IFT52: variants seen among roughly 807,000 people sequenced by gnomAD.
IFT52 encodes intraflagellar transport protein 52 homolog.
In IFT52, 44 loss-of-function variants were observed where a neutral mutation model predicts 54.4. That is an observed-to-expected ratio of 0.81 (90% confidence interval 0.63 to 1.04). The LOEUF (loss-of-function observed/expected upper bound fraction) is 1.04. Ranked by LOEUF, IFT52 falls within the 50% of genes least tolerant of loss-of-function variation. The probability of loss-of-function intolerance (pLI) is 0.00; values close to 1 mark genes in which losing one functional copy is unlikely to be tolerated. For synonymous variants in IFT52, 181 were observed against 185.3 expected (o/e 0.98, Z 0.19); for missense variants, 452 against 523.6 (o/e 0.86, Z 1.33).
In IFT52 at chr20:43,643,197, A is replaced by C. The variant is rs188183770; in HGVS notation, c.1266+573A>C. Reference sequence around the variant, plus strand: ...AACAAAAAAACAAAACAAAACAAAAAAAAAACAGCTGGGTGTGGTGGCTCA... The same window carrying C: ...AACAAAAAAACAAAACAAAACAAAACAAAAACAGCTGGGTGTGGTGGCTCA... On this transcript the variant is annotated intron_variant, in intron 13 of 13. Coordinates refer to ENST00000373030, the MANE Select transcript of IFT52 (RefSeq NM_016004.5). 1.1e-3 allele frequency among the ~76,000 whole-genome samples: 164 copies of C among 145,284 alleles called. 2 individuals carry two copies. Among genetic ancestry groups the C allele is most frequent in the East Asian group, 5.5e-3 (27 of 4,868 alleles).
At chr20:43,642,655 G>C (rs763750953) in intron 13 of IFT52, 31 bp downstream of exon 13, 1 of 1,607,342 alleles carries the variant, frequency 6.2e-7, no homozygotes, top group African/African-American at 1.3e-5. Flanking sequence ...AGTGTAGTGG[G>C]AGCCCCTCCA....
Position 43,640,423 on chromosome 20 carries a change from G to C in IFT52, c.1121-2056G>C, listed in dbSNP as rs541068227. Among the ~76,000 whole-genome samples the C allele has an allele frequency of 1.1e-3, 165 of 152,194 alleles. 1 individual carries two copies. Among genetic ancestry groups the C allele is most frequent in the African/African-American group, 3.9e-3 (161 of 41,524 alleles). The stretch of plus-strand genomic sequence containing the variant: ...TGCAGTAAGCCAAGATCACGCCACT[G>C]TACTCCAGTCTGGGTGACAGAGTGG... On this transcript the variant is annotated intron_variant, in intron 12 of 13. Transcript: ENST00000373030.
chr20:43,595,316 CAAAAAAAAAAAA>C lies in IFT52; in HGVS notation c.119+510_119+521del, dbSNP rs34012263. Among the ~76,000 whole-genome samples the C allele has an allele frequency of 3.7e-4, 23 of 62,922 alleles. No homozygotes were observed. In the South Asian group the frequency reaches 7.9e-3, roughly 22 times the overall value. The allele number at this position is 62,922 out of a possible 152,430, so 41.3% of individuals were successfully genotyped here. A position where few individuals can be genotyped will look rare whatever the true frequency, so the allele number is the denominator to read the frequency against. ...TGGGCAACAGAGTGAGACTCCGTCT[CAAAAAAAAAAAA>C]AAAAAAAAAAGAAAGATCAAGACCA... On this transcript the variant is annotated intron_variant, in intron 2 of 13. Coordinates refer to ENST00000373030, the MANE Select transcript of IFT52 (RefSeq NM_016004.5).
intron 6 of IFT52, among the ~76,000 whole-genome samples, chr20:43,606,240 T>A (rs1982869334): frequency 6.6e-6 from 1 of 151,756 alleles, no homozygotes. Flanking sequence ...AAATTATATT[T>A]GTCATTATAG....
intron 7 of IFT52, among the ~76,000 whole-genome samples, chr20:43,617,618 AT>A (rs1475420482): frequency 6.6e-6 from 1 of 152,000 alleles, no homozygotes; most frequent in Non-Finnish European, 1.5e-5. Context: ...TAATTTTTGT[AT>A]TTTTAATAGA....
intron 11 of IFT52, 126 bp from the exon 12 acceptor site, chr20:43,637,019 A>C: frequency 1.6e-6 from 1 of 621,062 alleles, no homozygotes. Flanking sequence ...AAGGATGTGA[A>C]CTTCCTTATT....
At chr20:43,617,478 C>G (rs1335686531) in intron 7 of IFT52, among the ~76,000 whole-genome samples, 4 of 151,268 alleles carry the variant, frequency 2.6e-5, no homozygotes, top group African/African-American at 9.7e-5. Flanking sequence ...GAGTCTCACT[C>G]TGTCGCCCAG....
intron 2 of IFT52, among the ~76,000 whole-genome samples, chr20:43,595,778 A>G (rs567975044): frequency 2.6e-5 from 4 of 151,312 alleles, no homozygotes; most frequent in Non-Finnish European, 5.9e-5. Context: ...CCCAGCTACT[A>G]AGGAGGCTGA....
In IFT52 at chr20:43,618,971, C is replaced by T. The variant is rs755232182; in HGVS notation, c.644C>T (p.Ser215Leu). 6.2e-7 allele frequency: 1 copy of T among 1,613,906 alleles called. No individual in the cohort carries two copies. The highest frequency in any genetic ancestry group is 8.5e-7 in the Non-Finnish European group (1 of 1,179,886). The change falls in exon 8 of 14, where the codon TCA (serine) becomes TTA (leucine). Residue 215 changes from serine (S) to leucine (L), a missense_variant. Coordinates refer to ENST00000373030, the MANE Select transcript of IFT52 (RefSeq NM_016004.5). ...NQGGKLAVLG[S>L]CHMFSDQYLD... ...GGTGGGAAGCTGGCAGTGCTTGGTT[C>T]ATGTCACATGTTCAGTGATCAATAT...
At chr20:43,605,106 A>G (rs752099251) in intron 6 of IFT52, 33 bp downstream of exon 6, 11 of 1,607,478 alleles carry the variant, frequency 6.8e-6, no homozygotes, top group Non-Finnish European at 8.5e-6. Flanking sequence ...CATGAGGAAG[A>G]TGTATCATTT....
intron 6 of IFT52, among the ~76,000 whole-genome samples, chr20:43,613,046 C>T (rs561853735): frequency 6.6e-6 from 1 of 152,194 alleles, no homozygotes; most frequent in Non-Finnish European, 1.5e-5. Flanking sequence ...CCAATTCACT[C>T]TAGATAATCT....
intron 3 of IFT52, among the ~76,000 whole-genome samples, chr20:43,599,538 C>T (rs1196726029): frequency 6.6e-6 from 1 of 151,906 alleles, no homozygotes; most frequent in African/African-American, 2.4e-5. Flanking sequence ...GGGAAAAAAG[C>T]TGTTAGCTTT....
intron 6 of IFT52, among the ~76,000 whole-genome samples, chr20:43,609,640 T>C (rs1983256561): frequency 6.6e-6 from 1 of 151,900 alleles, no homozygotes; most frequent in Non-Finnish European, 1.5e-5. Context: ...CCAAGGATGG[T>C]GGCGGGCACC....
At chr20:43,616,277 C>T (rs1233328896) in intron 7 of IFT52, among the ~76,000 whole-genome samples, 1 of 151,758 alleles carries the variant, frequency 6.6e-6, no homozygotes, top group Non-Finnish European at 1.5e-5. Context: ...GAGGTCAAGG[C>T]GGGCAAATCA....
At chr20:43,623,867 A>AT (rs1984521191) in intron 9 of IFT52, 24 bp from the exon 10 acceptor site, 1 of 1,611,698 alleles carries the variant, frequency 6.2e-7, no homozygotes, top group Admixed American at 1.7e-5. Context: ...GCTGTGCTAA[A>AT]AGGAACCCTC....
chr20:43,592,831 C>G (rs1331897644), intron 1 of IFT52, among the ~76,000 whole-genome samples: 1 of 152,172 alleles, frequency 6.6e-6, no homozygotes, highest in East Asian at 1.9e-4. Context: ...TGAAACCCGA[C>G]TGGGTGCAGT....
rs1985588552 is a variant in IFT52 at position 43,637,150 on chromosome 20, T to C, written c.1017T>C (p.Phe339=). The change falls in exon 12 of 14, where the codon TTT becomes TTC. Residue 339 remains phenylalanine, a synonymous_variant. Transcript: ENST00000373030. ...ATGACTTTATTTCCTTTTAGGTTTT[T>C]CCTCCCAGTTTCCGGGAGTTACCAC... ...TPLPTLQPAV[F]PPSFRELPPP... 1 of 1,604,728 alleles carries C rather than the reference T, an allele frequency of 6.2e-7. No homozygotes were observed. Among genetic ancestry groups the C allele is most frequent in the African/African-American group, 1.3e-5 (1 of 74,686 alleles).
At chr20:43,613,610 T>C (rs1983625136) in intron 6 of IFT52, among the ~76,000 whole-genome samples, 1 of 152,164 alleles carries the variant, frequency 6.6e-6, no homozygotes, top group Non-Finnish European at 1.5e-5. Flanking sequence ...GGTAAAACCC[T>C]GGCTCTACTA....
chr20:43,622,724 TATAA>T (rs1241807265), intron 9 of IFT52, among the ~76,000 whole-genome samples: 3 of 145,338 alleles, frequency 2.1e-5, no homozygotes, highest in Non-Finnish European at 1.5e-5. Flanking sequence ...TTTATGTAAA[TATAA>T]ATATATACAT....
Sources: allele counts gnomAD v4.1 joint callset (sites outside exome capture counted in the v4.1 genomes callset), GRCh38; gene constraint gnomAD v4.1.1; transcripts MANE v1.5; gene names NCBI Gene and HGNC (gene_info 2026-07-23, HGNC 2026-07-21).